SLC25A13: variants seen among roughly 807,000 people sequenced by gnomAD.
SLC25A13 encodes the protein electrogenic aspartate/glutamate antiporter SLC25A13, mitochondrial.
A neutral mutation model predicts 85.5 loss-of-function variants in SLC25A13; 70 were observed. That is an observed-to-expected ratio of 0.82 (90% CI 0.68 to 1.00). The LOEUF (loss-of-function observed/expected upper bound fraction) is 1.00. SLC25A13 is among the 50% of genes least tolerant of loss of function. The pLI is 0.00. For synonymous variants in SLC25A13, 259 were observed against 288.7 expected (o/e 0.90, Z 1.04); for missense variants, 765 against 819.8 (o/e 0.93, Z 0.82).
intron 11 of SLC25A13, among the ~76,000 whole-genome samples, chr7:96,172,176 A>G (rs148604175): frequency 3.2e-4 from 49 of 152,346 alleles, no homozygotes; most frequent in African/African-American, 1.1e-3. Context: ...CTGAGAGGTC[A>G]CTAGCTTGAA....
chr7:96,172,753 A>C (rs1157695958), intron 11 of SLC25A13, among the ~76,000 whole-genome samples: 1 of 151,244 alleles, frequency 6.6e-6, no homozygotes, highest in Non-Finnish European at 1.5e-5. Flanking sequence ...CAATGAGGAC[A>C]AGCGCCAGTT....
chr7:96,276,715 T>C (rs1457614409), intron 3 of SLC25A13, among the ~76,000 whole-genome samples: 1 of 152,206 alleles, frequency 6.6e-6, no homozygotes, highest in Non-Finnish European at 1.5e-5. Context: ...ACGTGTCCTA[T>C]TTGATTCTAT....
At chr7:96,274,870 C>A (rs1562895121) in intron 3 of SLC25A13, among the ~76,000 whole-genome samples, 1 of 152,112 alleles carries the variant, frequency 6.6e-6, no homozygotes, top group Non-Finnish European at 1.5e-5. Context: ...TGGTCTATAT[C>A]TCTGTTTTGG....
intron 2 of SLC25A13, among the ~76,000 whole-genome samples, chr7:96,286,137 A>T (rs941101242): frequency 4.6e-5 from 7 of 151,820 alleles, no homozygotes; most frequent in Admixed American, 2.6e-4. Flanking sequence ...GCAAAAAATT[A>T]CCCGGGCATG....
Position 96,136,610 on chromosome 7 carries a change from G to T in SLC25A13, c.1453-4729C>A, listed in dbSNP as rs142265281. Among the ~76,000 whole-genome samples the T allele has an allele frequency of 1.2e-4, 19 of 152,280 alleles. No individual in the cohort carries two copies. The East Asian group carries it at 3.5e-3, about 28-fold the overall frequency. ...TCAATCCAAAGTGGGGAAAAAACCA[G>T]TCCTGAAGGATGGTGCTGATAAAGA... On this transcript the variant is annotated intron_variant, in intron 14 of 17. Transcript: ENST00000265631.
intron 3 of SLC25A13, among the ~76,000 whole-genome samples, chr7:96,269,916 A>G (rs921969475): frequency 1.3e-5 from 2 of 152,210 alleles, no homozygotes; most frequent in African/African-American, 4.8e-5. Flanking sequence ...AGTCAAACTC[A>G]TAGAAACAGA....
intron 5 of SLC25A13, among the ~76,000 whole-genome samples, chr7:96,204,660 T>C (rs967325166): frequency 1.2e-4 from 18 of 152,240 alleles, no homozygotes; most frequent in African/African-American, 4.3e-4. Flanking sequence ...AACAAACTCA[T>C]AGGGCAAACA....
In SLC25A13 at chr7:96,120,661, A is replaced by C. The variant is rs1417910542; in HGVS notation, c.*530T>G. 2 of 454,532 alleles carry C rather than the reference A, an allele frequency of 4.4e-6. No individual in the cohort carries two copies. The highest frequency in any genetic ancestry group is 3.1e-5 in the South Asian group (2 of 64,464). 28.2% of individuals were successfully genotyped at this position (454,532 alleles called of 1,614,324 possible). Reference sequence around the variant, plus strand: ...TTACAAAGAAACATGTTTCACATAAAAGCTTCATAATATAATCCAGAGACA... The same window carrying C: ...TTACAAAGAAACATGTTTCACATAACAGCTTCATAATATAATCCAGAGACA... On this transcript the variant is annotated 3_prime_UTR_variant, in exon 18 of 18. Transcript: ENST00000265631.
intron 14 of SLC25A13, among the ~76,000 whole-genome samples, chr7:96,139,671 C>T (rs1367758424): frequency 6.6e-6 from 1 of 152,168 alleles, no homozygotes; most frequent in Non-Finnish European, 1.5e-5. Flanking sequence ...CTCTCTCATA[C>T]ATCAAGAATA....
intron 5 of SLC25A13, among the ~76,000 whole-genome samples, chr7:96,193,443 A>C (rs1167879433): frequency 1.3e-5 from 2 of 150,194 alleles, no homozygotes; most frequent in Non-Finnish European, 2.9e-5. Flanking sequence ...CGTGCTCTCT[A>C]GAGTCCATGA....
chr7:96,297,038 A>T, intron 1 of SLC25A13, 87 bp from the exon 2 acceptor site: 1 of 1,205,698 alleles, frequency 8.3e-7, no homozygotes, highest in African/African-American at 1.5e-5. Context: ...ATCTCAGATT[A>T]AAAATTAGTG....
At chr7:96,296,469 ATGTTGGGATTTTCTTTT>A (rs1799351773) in intron 2 of SLC25A13, among the ~76,000 whole-genome samples, 1 of 151,554 alleles carries the variant, frequency 6.6e-6, no homozygotes, top group Non-Finnish European at 1.5e-5. Flanking sequence ...CTCTTAAGAC[ATGTTGGGATTTTCTTTT>A]TTTTTTTTTT....
intron 1 of SLC25A13, among the ~76,000 whole-genome samples, chr7:96,302,740 C>A (rs1199639325): frequency 6.6e-6 from 1 of 152,186 alleles, no homozygotes; most frequent in Non-Finnish European, 1.5e-5. Flanking sequence ...ATAGGCAACT[C>A]TCTTCAGACC....
intron 1 of SLC25A13, among the ~76,000 whole-genome samples, chr7:96,312,700 C>T (rs368849637): frequency 4.6e-5 from 7 of 152,210 alleles, no homozygotes; most frequent in East Asian, 3.9e-4. Context: ...CCCATGAACA[C>T]GGTAGTGCTA....
At chr7:96,173,864 A>T (rs1160437891) in intron 11 of SLC25A13, among the ~76,000 whole-genome samples, 3 of 152,220 alleles carry the variant, frequency 2.0e-5, no homozygotes, top group Non-Finnish European at 4.4e-5. Flanking sequence ...GAGCTGGCCA[A>T]TTAGGATGCC....
chr7:96,221,838 T>C (rs1796141066), intron 4 of SLC25A13, among the ~76,000 whole-genome samples: 1 of 152,182 alleles, frequency 6.6e-6, no homozygotes, highest in East Asian at 1.9e-4. Context: ...ATAGCAGGTG[T>C]TCCTGGACAC....
rs572659684 is a variant in SLC25A13, at chr7:96,127,295, C to T, written c.1591+4448G>A. Among the ~76,000 whole-genome samples, 7 of 152,194 alleles carry T rather than the reference C, an allele frequency of 4.6e-5. 1 individual carries two copies. The highest frequency in any genetic ancestry group is 2.1e-4 in the South Asian group (1 of 4,832). ...TTTCTTAATTTCAGGACCCCCGCTT[C>T]GGTCTTCACTTTCTGACAAAGCTGA... On this transcript the variant is annotated intron_variant, in intron 15 of 17. Coordinates refer to ENST00000265631, the MANE Select transcript of SLC25A13 (RefSeq NM_014251.3).
At chr7:96,286,136 T>C (rs1404886609) in intron 2 of SLC25A13, among the ~76,000 whole-genome samples, 2 of 151,758 alleles carry the variant, frequency 1.3e-5, no homozygotes, top group Non-Finnish European at 2.9e-5. Context: ...TGCAAAAAAT[T>C]ACCCGGGCAT....
At chr7:96,163,251 C>T (rs1408012667) in intron 13 of SLC25A13, among the ~76,000 whole-genome samples, 2 of 152,172 alleles carry the variant, frequency 1.3e-5, no homozygotes, top group East Asian at 3.9e-4. Flanking sequence ...CTTAAGATGC[C>T]TGCTCTTGGG....
Sources: allele counts gnomAD v4.1 joint callset (sites outside exome capture counted in the v4.1 genomes callset), GRCh38; gene constraint gnomAD v4.1.1; transcripts MANE v1.5; gene names NCBI Gene and HGNC (gene_info 2026-07-23, HGNC 2026-07-21).